Variants in PHLDB2 observed in about 807,000 individuals in gnomAD.
The protein encoded by PHLDB2 is pleckstrin homology like domain family B member 2, also known as pleckstrin homology-like domain family B member 2.
A neutral mutation model predicts 123.6 loss-of-function variants in PHLDB2; 71 were observed. That is an observed-to-expected ratio of 0.57 (90% CI 0.47 to 0.70). PHLDB2 has a LOEUF of 0.70. Ranked by LOEUF, PHLDB2 falls within the 30% of genes least tolerant of loss-of-function variation. The probability of loss-of-function intolerance (pLI) is 0.00; values close to 1 mark genes in which losing one functional copy is unlikely to be tolerated. For synonymous variants in PHLDB2, 547 were observed against 541.6 expected (o/e 1.01, Z -0.14); for missense variants, 1,446 against 1,519.5 (o/e 0.95, Z 0.80).
intron 2 of PHLDB2, among the ~76,000 whole-genome samples, chr3:111,908,493 T>C (rs1400826906): frequency 6.6e-6 from 1 of 152,190 alleles, no homozygotes; most frequent in Non-Finnish European, 1.5e-5. Flanking sequence ...CTGCTCCACG[T>C]TTCCTGATGG....
rs2072456119 is a variant in PHLDB2, at chr3:111,975,363, A to G, written c.*800A>G. 2.0e-5 allele frequency: 3 copies of G among 152,222 alleles called. No homozygotes were observed. Among genetic ancestry groups the G allele is most frequent in the South Asian group, 2.1e-4 (1 of 4,836 alleles). 9.4% of individuals were successfully genotyped at this position (152,222 alleles called of 1,614,324 possible). A position where few individuals can be genotyped will look rare whatever the true frequency, so the allele number is the denominator to read the frequency against. Reference sequence around the variant, plus strand: ...ATTCTGTCATGTTGAACAATTTTAAATAAAGAGAATATCTGGTGTTAGGAG... The same window carrying G: ...ATTCTGTCATGTTGAACAATTTTAAGTAAAGAGAATATCTGGTGTTAGGAG... On this transcript the variant is annotated 3_prime_UTR_variant, in exon 18 of 18. Transcript: ENST00000431670.
chr3:111,750,888 G>C (rs1335036487), intron 1 of PHLDB2, among the ~76,000 whole-genome samples: 1 of 150,508 alleles, frequency 6.6e-6, no homozygotes, highest in East Asian at 2.0e-4. Flanking sequence ...GTAGGTTGCA[G>C]TGAGCCAATA....
In PHLDB2 at chr3:111,893,758, C is replaced by CAA. The variant is rs35372627; in HGVS notation, c.1335+8358_1335+8359dup. Reference sequence around the variant, plus strand: ...TTAAATTTTTTTATGTTAAGGTAAGCAAAAAAAAAAAAATCCAGGTGAAAT... The same window carrying CAA: ...TTAAATTTTTTTATGTTAAGGTAAGCAAAAAAAAAAAAAAATCCAGGTGAAAT... On this transcript the variant is annotated intron_variant, in intron 2 of 17. Transcript: ENST00000431670. 2.5e-3 allele frequency among the ~76,000 whole-genome samples: 342 copies of CAA among 136,552 alleles called. 2 individuals carry two copies. The highest frequency in any genetic ancestry group is 7.4e-3 in the African/African-American group (270 of 36,542). The allele number at this position is 136,552 out of a possible 152,430, so 89.6% of individuals were successfully genotyped here.
chr3:111,850,151 G>A (rs553472632), intron 2 of PHLDB2, among the ~76,000 whole-genome samples: 190 of 151,456 alleles, frequency 1.3e-3, no homozygotes, highest in South Asian at 4.0e-3. Flanking sequence ...ATAAGCCACC[G>A]CGCCCAGCCG....
intron 1 of PHLDB2, among the ~76,000 whole-genome samples, chr3:111,767,748 T>C (rs2060107642): frequency 6.6e-6 from 1 of 152,246 alleles, no homozygotes; most frequent in East Asian, 1.9e-4. Flanking sequence ...GTAGGTATTC[T>C]TACCCTTGTA....
intron 2 of PHLDB2, among the ~76,000 whole-genome samples, chr3:111,849,712 C>T (rs2064166274): frequency 6.6e-6 from 1 of 152,098 alleles, no homozygotes; most frequent in African/African-American, 2.4e-5. Context: ...CAGTGCAGTT[C>T]ACAATTGCAA....
intron 1 of PHLDB2, among the ~76,000 whole-genome samples, chr3:111,777,934 C>G (rs1463612730): frequency 6.6e-6 from 1 of 151,376 alleles, no homozygotes; most frequent in Non-Finnish European, 1.5e-5. Context: ...GCTAAACGGA[C>G]TGGCTTCTGG....
intron 1 of PHLDB2, among the ~76,000 whole-genome samples, chr3:111,793,532 CA>C (rs1252957054): frequency 1.3e-5 from 2 of 151,926 alleles, no homozygotes; most frequent in African/African-American, 4.8e-5. Flanking sequence ...TAACCAAGTG[CA>C]AGACAAAGCT....
At position 111,885,362 on chromosome 3, in the gene PHLDB2, C is replaced by T; in HGVS notation, c.1285C>T (p.His429Tyr). 1 of 1,614,154 alleles carries T rather than the reference C, an allele frequency of 6.2e-7. No homozygotes were observed. Among genetic ancestry groups the T allele is most frequent in the Non-Finnish European group, 8.5e-7 (1 of 1,180,036 alleles). Residue 429 changes from histidine to tyrosine, a missense_variant, in exon 2 of 18, where the codon CAC (histidine) becomes TAC (tyrosine). Transcript: ENST00000431670. ...ISGRDDLMDY[H>Y]RRQREERLRE... Reference sequence around the variant, plus strand: ...AGGACGTGATGACCTGATGGATTATCACCGGCGGCAGAGGGAGGAAAGACT... The same window carrying T: ...AGGACGTGATGACCTGATGGATTATTACCGGCGGCAGAGGGAGGAAAGACT...
At chr3:111,859,705 G>T in intron 1 of PHLDB2, 129 bp downstream of exon 1, 1 of 985,398 alleles carries the variant, frequency 1.0e-6, no homozygotes. Context: ...CGGAGGGTTG[G>T]GGGCGGAGAG....
chr3:111,850,082 C>T (rs1211272134), intron 2 of PHLDB2, among the ~76,000 whole-genome samples: 3 of 151,746 alleles, frequency 2.0e-5, no homozygotes, highest in South Asian at 2.1e-4. Flanking sequence ...AGGATGGTCT[C>T]GATCTCCTGA....
intron 1 of PHLDB2, among the ~76,000 whole-genome samples, chr3:111,830,374 A>G (rs192688162): frequency 6.5e-4 from 99 of 152,274 alleles, no homozygotes; most frequent in African/African-American, 2.2e-3. Context: ...TCTTTATCTT[A>G]CATGCGACAT....
At chr3:111,872,699 C>A (rs1248393849) in intron 1 of PHLDB2, among the ~76,000 whole-genome samples, 1 of 152,108 alleles carries the variant, frequency 6.6e-6, no homozygotes. Context: ...TAGGCCTGCT[C>A]ACACCTAAAA....
At position 111,884,079 on chromosome 3, in the gene PHLDB2, TG is replaced by T; in HGVS notation, c.4del (p.Glu2?). On this transcript the variant is annotated frameshift_variant and start_lost, in exon 2 of 18. Transcript: ENST00000431670. LOFTEE classifies it high-confidence loss of function. [M>X]EEHSYIQKEL... ...TTCTTTACAGATTCCAGCAAGATTA[TG>T]GAAGAGCATAGCTACATACAAAAGG... is the stretch of plus-strand genomic sequence containing the variant. The T allele has an allele frequency of 6.2e-7, 1 of 1,603,472 alleles. No individual in the cohort carries two copies. The highest frequency in any genetic ancestry group is 8.5e-7 in the Non-Finnish European group (1 of 1,176,984).
chr3:111,926,050 A>G (rs147938834), intron 5 of PHLDB2, among the ~76,000 whole-genome samples: 25 of 152,342 alleles, frequency 1.6e-4, no homozygotes, highest in East Asian at 1.5e-3. Context: ...GTTTAAGGAC[A>G]AATATTGTGT....
At chr3:111,782,557 C>A (rs566098150) in intron 1 of PHLDB2, among the ~76,000 whole-genome samples, 1 of 152,226 alleles carries the variant, frequency 6.6e-6, no homozygotes, top group Non-Finnish European at 1.5e-5. Flanking sequence ...CAAATTCTTT[C>A]TTCTCTGTTT....
chr3:111,969,792 T>A lies in PHLDB2; in HGVS notation c.3418T>A (p.Ser1140Thr), dbSNP rs1185068430. ...GHNIDTCYHVSITEKTCRGFL... is the reference protein window; with the variant it reads ...GHNIDTCYHVTITEKTCRGFL... ...CAATATTGACACCTGTTACCATGTATCAATCACAGAGAAGACCTGCCGAGG... is the reference window on the plus strand; with the variant it reads ...CAATATTGACACCTGTTACCATGTAACAATCACAGAGAAGACCTGCCGAGG... Residue 1140 changes from serine (S) to threonine (T), a missense_variant, in exon 16 of 18, where the codon TCA becomes ACA. By Grantham distance (58) the Ser-to-Thr change is moderately conservative. This residue lies in a region of PHLDB2 where 594 missense variants were observed against 646.0 expected (regional missense o/e 0.92). Transcript: ENST00000431670. 1.9e-6 allele frequency: 3 copies of A among 1,614,052 alleles called. No individual in the cohort carries two copies. Among genetic ancestry groups the A allele is most frequent in the Non-Finnish European group, 2.5e-6 (3 of 1,179,916 alleles).
intron 1 of PHLDB2, among the ~76,000 whole-genome samples, chr3:111,806,888 G>A (rs1346005213): frequency 6.6e-6 from 1 of 150,784 alleles, no homozygotes; most frequent in African/African-American, 2.4e-5. Context: ...TTCCTGCCTT[G>A]GCCTCCTAAA....
chr3:111,800,471 A>G (rs974644566), intron 1 of PHLDB2, among the ~76,000 whole-genome samples: 2 of 152,228 alleles, frequency 1.3e-5, no homozygotes, highest in Non-Finnish European at 2.9e-5. Context: ...TTATGCATAT[A>G]TCATTTTAAA....
Sources: gnomAD v4.1 joint callset for allele counts (sites outside exome capture counted in the v4.1 genomes callset) on GRCh38, gnomAD v4.1.1 for gene constraint, gnomAD v4.1.1 regional missense constraint, MANE v1.5 for transcripts, NCBI Gene and HGNC (gene_info 2026-07-23, HGNC 2026-07-21) for gene names.